Variants in SEMA3A observed in about 807,000 individuals in gnomAD.
The protein encoded by SEMA3A is semaphorin-3A.
In SEMA3A, 29 loss-of-function variants were observed where a neutral mutation model predicts 97.9. That is an observed-to-expected ratio of 0.30 (90% CI 0.22 to 0.40). The LOEUF is 0.40. Ranked by LOEUF, SEMA3A falls within the 10% of genes least tolerant of loss-of-function variation. SEMA3A has a pLI of 1.00. For missense variants in SEMA3A, 763 were observed against 951.3 expected, an observed-to-expected ratio of 0.80 and a Z score of 2.60; for synonymous variants, 321 against 323.7, an observed-to-expected ratio of 0.99 and a Z score of 0.09.
intron 3 of SEMA3A, among the ~76,000 whole-genome samples, chr7:84,267,606 T>C (rs75102754): frequency 0.073 from 11,118 of 152,056 alleles, 1,388 homozygotes; most frequent in African/African-American, 0.25. Flanking sequence ...ATTTGCAAGT[T>C]TTGATAAAAA....
intron 1 of SEMA3A, among the ~76,000 whole-genome samples, chr7:84,419,492 A>G (rs917436138): frequency 1.3e-5 from 2 of 151,478 alleles, no homozygotes; most frequent in African/African-American, 4.9e-5. Flanking sequence ...ACTTCAAAAC[A>G]TTGTAAGGCA....
Position 84,093,031 on chromosome 7 carries a change from T to G in SEMA3A, c.453+17439A>C, listed in dbSNP as rs549148537. 5.3e-5 allele frequency among the ~76,000 whole-genome samples: 8 copies of G among 152,300 alleles called. No homozygotes were observed. The South Asian group carries it at 1.7e-3, about 32-fold the overall frequency. On this transcript the variant is annotated intron_variant, in intron 4 of 16. Transcript: ENST00000265362. ...TTATTCCTGACATATATTTGATATA[T>G]GTCAAATATAGAAAATGACTCGTAT...
chr7:84,032,560 G>A (rs1174400700), intron 6 of SEMA3A, among the ~76,000 whole-genome samples: 2 of 151,974 alleles, frequency 1.3e-5, no homozygotes, highest in Non-Finnish European at 2.9e-5. Flanking sequence ...ATATGAAGAA[G>A]GAAATTCAAG....
chr7:84,465,828 G>C (rs1341151905), intron 1 of SEMA3A, among the ~76,000 whole-genome samples: 2 of 151,938 alleles, frequency 1.3e-5, no homozygotes, highest in Admixed American at 1.3e-4. Context: ...CATTTCTTTG[G>C]AGGGTATTAA....
At chr7:84,145,130 C>T (rs985022217) in intron 1 of SEMA3A, among the ~76,000 whole-genome samples, 4 of 152,166 alleles carry the variant, frequency 2.6e-5, no homozygotes, top group Non-Finnish European at 5.9e-5. Context: ...ATCTTCCACC[C>T]TCACCTGCTT....
chr7:84,171,089 G>A (rs1028566536), intron 1 of SEMA3A, among the ~76,000 whole-genome samples: 1 of 151,962 alleles, frequency 6.6e-6, no homozygotes, highest in Non-Finnish European at 1.5e-5. Flanking sequence ...TGCCAGTGAT[G>A]GAATACACTA....
At position 84,462,808 on chromosome 7, in the gene SEMA3A, T is replaced by C. The variant is rs79108499; in HGVS notation, c.-246+29652A>G. Among the ~76,000 whole-genome samples the C allele has an allele frequency of 0.014, 2,054 of 152,030 alleles. 93 individuals are homozygous for C. In the East Asian group the frequency reaches 0.16, roughly 12 times the overall value. ...AAGAATATATACATAGCTATAGCTA[T>C]AGATAGATAGACAGACAGATAGATA... On this transcript the variant is annotated intron_variant, in intron 1 of 3. Transcript: ENST00000424555.
chr7:84,230,729 T>C (rs1036078847), intron 3 of SEMA3A, among the ~76,000 whole-genome samples: 5 of 152,026 alleles, frequency 3.3e-5, no homozygotes, highest in African/African-American at 1.2e-4. Context: ...TTTGCAATAA[T>C]GTCCTCAAGC....
chr7:84,053,150 GA>G lies in SEMA3A; in HGVS notation c.548-6708del, dbSNP rs1250665372. The stretch of plus-strand genomic sequence containing the variant: ...ACTTCCAACTATGTGGTCAATTTTG[GA>G]ATAGATGTGGTGTGGTGCCGAAAAA... On this transcript the variant is annotated intron_variant, in intron 5 of 16. Transcript: ENST00000265362. Among the ~76,000 whole-genome samples the G allele has an allele frequency of 1.6e-4, 21 of 132,064 alleles. 1 individual carries two copies. The highest frequency in any genetic ancestry group is 3.4e-4 in the Non-Finnish European group (20 of 58,990). 86.6% of individuals were successfully genotyped at this position (132,064 alleles called of 152,430 possible). A position where few individuals can be genotyped will look rare whatever the true frequency, so the allele number is the denominator to read the frequency against.
intron 4 of SEMA3A, among the ~76,000 whole-genome samples, chr7:84,087,244 A>G (rs563681334): frequency 4.0e-4 from 61 of 152,312 alleles, no homozygotes; most frequent in African/African-American, 1.4e-3. Context: ...TCTGTGATTC[A>G]TTAGAAGTGT....
At chr7:84,325,346 C>CA (rs1375336001) in intron 2 of SEMA3A, among the ~76,000 whole-genome samples, 1 of 151,812 alleles carries the variant, frequency 6.6e-6, no homozygotes, top group African/African-American at 2.4e-5. Flanking sequence ...CGAAGTGAGG[C>CA]AAAAAAGAGA....
Position 84,060,563 on chromosome 7 carries a change from G to T in SEMA3A, c.454-5C>A. 3 of 1,543,188 alleles carry T rather than the reference G, an allele frequency of 1.9e-6. No individual in the cohort carries two copies. Among genetic ancestry groups the T allele is most frequent in the East Asian group, 4.7e-5 (2 of 42,328 alleles). ...CTCCAGCTTAAAAATATTGTCCTGT[G>T]GATTTAAAAAAGAAAGAGAAAAGGG... is the stretch of plus-strand genomic sequence containing the variant. On this transcript the variant is annotated splice_region_variant and splice_polypyrimidine_tract_variant and intron_variant, in intron 4 of 16. Transcript: ENST00000265362.
intron 1 of SEMA3A, among the ~76,000 whole-genome samples, chr7:84,388,366 CT>C (rs1340913997): frequency 2.6e-5 from 4 of 152,092 alleles, no homozygotes; most frequent in Middle Eastern, 3.4e-3. Flanking sequence ...TTTTTGAAGA[CT>C]CAAAGAATTA....
intron 3 of SEMA3A, among the ~76,000 whole-genome samples, chr7:84,226,529 C>G (rs575537960): frequency 6.6e-6 from 1 of 151,940 alleles, no homozygotes; most frequent in Non-Finnish European, 1.5e-5. Flanking sequence ...GTTTGTTACC[C>G]ACGAGAGTAA....
At chr7:84,399,067 C>A (rs1406013938) in intron 1 of SEMA3A, among the ~76,000 whole-genome samples, 1 of 152,090 alleles carries the variant, frequency 6.6e-6, no homozygotes, top group Non-Finnish European at 1.5e-5. Flanking sequence ...ACAGCCTATA[C>A]CACACCTCCT....
chr7:83,983,625 T>C (rs892203127), intron 13 of SEMA3A, among the ~76,000 whole-genome samples: 11 of 152,230 alleles, frequency 7.2e-5, no homozygotes, highest in African/African-American at 2.4e-4. Context: ...TGTGATAAAA[T>C]GCCAAAAGTA....
intron 1 of SEMA3A, among the ~76,000 whole-genome samples, chr7:84,191,874 T>A (rs988959463): frequency 2.6e-5 from 4 of 151,870 alleles, no homozygotes; most frequent in Non-Finnish European, 4.4e-5. Flanking sequence ...ACACATCTAT[T>A]CAATTCCTTT....
chr7:84,319,387 T>C (rs1408981058), intron 2 of SEMA3A, among the ~76,000 whole-genome samples: 1 of 150,102 alleles, frequency 6.7e-6, no homozygotes, highest in Non-Finnish European at 1.5e-5. Flanking sequence ...GTAAGTCTGG[T>C]GCACCAAACA....
intron 3 of SEMA3A, among the ~76,000 whole-genome samples, chr7:84,282,857 T>TA (rs989734684): frequency 1.3e-5 from 2 of 151,694 alleles, no homozygotes; most frequent in Non-Finnish European, 2.9e-5. Flanking sequence ...CTACTAAAAA[T>TA]AAAAAAATTA....
Sources: allele counts gnomAD v4.1 joint callset (sites outside exome capture counted in the v4.1 genomes callset), GRCh38; gene constraint gnomAD v4.1.1; transcripts MANE v1.5; gene names NCBI Gene and HGNC (gene_info 2026-07-23, HGNC 2026-07-21).